The following PPP2R2B variants were observed in gnomAD, a reference collection of about 807,000 sequenced individuals.
PPP2R2B encodes the protein protein phosphatase 2 regulatory subunit Bbeta.
In PPP2R2B, 5 loss-of-function variants were observed where a neutral mutation model predicts 46.0. The ratio of observed to expected loss-of-function variants is 0.11; its 90% CI spans 0.06 to 0.23. PPP2R2B has a LOEUF of 0.23. PPP2R2B is among the 10% of genes least tolerant of loss of function. The pLI is 1.00. For missense variants in PPP2R2B, 367 were observed against 575.0 expected (o/e 0.64, Z 3.70); for synonymous variants, 215 against 206.7 (o/e 1.04, Z -0.34).
intron 5 of PPP2R2B, among the ~76,000 whole-genome samples, chr5:146,667,721 T>C (rs1413326786): frequency 2.6e-5 from 4 of 152,134 alleles, no homozygotes; most frequent in South Asian, 2.1e-4. Context: ...TCTCTCTTTG[T>C]CTGTCTTGCT....
intron 1 of PPP2R2B, among the ~76,000 whole-genome samples, chr5:147,040,403 A>T (rs1375393684): frequency 6.6e-6 from 1 of 152,074 alleles, no homozygotes; most frequent in East Asian, 1.9e-4. Context: ...CAAACAGAAG[A>T]CTAGAAATAC....
chr5:146,787,685 A>G (rs150782127), intron 2 of PPP2R2B, among the ~76,000 whole-genome samples: 25 of 152,212 alleles, frequency 1.6e-4, no homozygotes, highest in African/African-American at 5.8e-4. Flanking sequence ...ATCTTGCCTC[A>G]GCCTCCTGAG....
intron 2 of PPP2R2B, among the ~76,000 whole-genome samples, chr5:146,757,726 C>A (rs1017167456): frequency 5.3e-5 from 8 of 152,154 alleles, no homozygotes; most frequent in Non-Finnish European, 7.4e-5. Flanking sequence ...GCTTGTATCC[C>A]AAATCACACT....
chr5:146,880,179 TTGTGTGTG>T (rs57151657), upstream of PPP2R2B, among the ~76,000 whole-genome samples: 371 of 138,236 alleles, frequency 2.7e-3, 1 homozygote, highest in African/African-American at 4.5e-3. Context: ...CATAGTTATT[TTGTGTGTG>T]TGTGTGTGTG....
At position 146,589,004 on chromosome 5, in the gene PPP2R2B, G is replaced by A. The variant is rs1037022929; in HGVS notation, c.*943C>T. 1 of 152,208 alleles carries A rather than the reference G, an allele frequency of 6.6e-6. No homozygotes were observed. The highest frequency in any genetic ancestry group is 2.4e-5 in the African/African-American group (1 of 41,426). The allele number at this position is 152,208 out of a possible 1,614,324, so 9.4% of individuals were successfully genotyped here. On this transcript the variant is annotated 3_prime_UTR_variant, in exon 10 of 10. Transcript: ENST00000394411. Reference sequence around the variant, plus strand: ...AGCCTTTCTCAGGGACTCAGGGGTGGTGGCACTGCTTCCAACTTACTGCTT... The same window carrying A: ...AGCCTTTCTCAGGGACTCAGGGGTGATGGCACTGCTTCCAACTTACTGCTT...
At chr5:147,009,945 C>T (rs1011679615) in intron 1 of PPP2R2B, among the ~76,000 whole-genome samples, 1 of 151,482 alleles carries the variant, frequency 6.6e-6, no homozygotes, top group African/African-American at 2.4e-5. Context: ...TTTATACTCA[C>T]TATAGCCATT....
At chr5:146,897,773 G>A (rs502539) in intron 1 of PPP2R2B, among the ~76,000 whole-genome samples, 73,554 of 151,706 alleles carry the variant, frequency 0.48, 19,643 homozygotes, top group East Asian at 0.7. Flanking sequence ...TTCAAGAACC[G>A]GATGCTATAC....
intron 2 of PPP2R2B, among the ~76,000 whole-genome samples, chr5:146,791,397 T>G (rs1406019209): frequency 6.6e-6 from 1 of 152,112 alleles, no homozygotes; most frequent in Non-Finnish European, 1.5e-5. Context: ...ATCTGCTGTG[T>G]GTATGTGTGT....
At chr5:146,888,909 A>G (rs2151427244) in intron 1 of PPP2R2B, among the ~76,000 whole-genome samples, 1 of 152,280 alleles carries the variant, frequency 6.6e-6, no homozygotes, top group Admixed American at 6.5e-5. Flanking sequence ...TACTCTGTAT[A>G]AAATAAATTA....
intron 5 of PPP2R2B, among the ~76,000 whole-genome samples, chr5:146,687,793 C>A (rs773387958): frequency 3.3e-5 from 5 of 152,048 alleles, no homozygotes; most frequent in Admixed American, 6.5e-5. Flanking sequence ...AGTCTCTCAG[C>A]GCTGAAACAG....
chr5:147,077,588 C>G (rs1393483947), intron 2 of PPP2R2B, among the ~76,000 whole-genome samples: 9 of 152,070 alleles, frequency 5.9e-5, no homozygotes, highest in African/African-American at 2.4e-5. Flanking sequence ...TAACTAGTAG[C>G]AAGTGAAAGT....
At chr5:146,734,357 T>A (rs1293854138) in intron 2 of PPP2R2B, among the ~76,000 whole-genome samples, 1 of 152,158 alleles carries the variant, frequency 6.6e-6, no homozygotes, top group Non-Finnish European at 1.5e-5. Flanking sequence ...CCATTAGCCA[T>A]TTTTAACAGA....
At chr5:146,790,612 C>T (rs548581639) in intron 2 of PPP2R2B, among the ~76,000 whole-genome samples, 1 of 152,260 alleles carries the variant, frequency 6.6e-6, no homozygotes, top group South Asian at 2.1e-4. Flanking sequence ...GAAAGATACC[C>T]CAATGTCTGT....
At chr5:146,997,856 A>G (rs375669409) in intron 1 of PPP2R2B, among the ~76,000 whole-genome samples, 4 of 152,176 alleles carry the variant, frequency 2.6e-5, no homozygotes, top group East Asian at 3.9e-4. Context: ...AGGCAAATAT[A>G]AGTGCTGGGT....
chr5:146,843,555 C>A (rs1233689645), intron 2 of PPP2R2B, among the ~76,000 whole-genome samples: 1 of 152,096 alleles, frequency 6.6e-6, no homozygotes, highest in Non-Finnish European at 1.5e-5. Flanking sequence ...TTCTCTCACA[C>A]CAGAGAAAAA....
At chr5:146,623,911 G>A (rs1338056878) in intron 7 of PPP2R2B, among the ~76,000 whole-genome samples, 1 of 152,138 alleles carries the variant, frequency 6.6e-6, no homozygotes, top group Non-Finnish European at 1.5e-5. Flanking sequence ...TACCTACTGA[G>A]CTGTCAAAAT....
At chr5:146,911,928 T>C (rs1413422690) in intron 1 of PPP2R2B, among the ~76,000 whole-genome samples, 2 of 151,998 alleles carry the variant, frequency 1.3e-5, no homozygotes, top group Admixed American at 6.5e-5. Context: ...TTTAAGAAAG[T>C]GTAGAGTGTA....
intron 2 of PPP2R2B, among the ~76,000 whole-genome samples, chr5:146,755,790 C>T (rs1032308859): frequency 2.0e-4 from 31 of 152,108 alleles, no homozygotes; most frequent in African/African-American, 7.2e-4. Flanking sequence ...CAACTTCGAG[C>T]CTGGGGGTCT....
chr5:146,937,617 G>A (rs753910537), intron 1 of PPP2R2B, among the ~76,000 whole-genome samples: 4 of 152,114 alleles, frequency 2.6e-5, no homozygotes, highest in Non-Finnish European at 5.9e-5. Flanking sequence ...CTGAGCAGGG[G>A]TTGGCCATGT....
Sources: allele counts gnomAD v4.1 joint callset (sites outside exome capture counted in the v4.1 genomes callset), GRCh38; gene constraint gnomAD v4.1.1; transcripts MANE v1.5; gene names NCBI Gene and HGNC (gene_info 2026-07-23, HGNC 2026-07-21).